DPP6: variants seen among roughly 807,000 people sequenced by gnomAD.
The protein encoded by DPP6 is dipeptidyl peptidase like 6.
DPP6 carries 69 observed loss-of-function variants against 122.6 expected under a neutral mutation model. That is an observed-to-expected ratio of 0.56 (90% CI 0.46 to 0.69). The LOEUF (loss-of-function observed/expected upper bound fraction) is 0.69. Among genes scored for constraint, DPP6 ranks in the 30% least tolerant of loss-of-function variants. DPP6 has a pLI of 0.00. For missense variants in DPP6, 928 were observed against 1,116.9 expected, an observed-to-expected ratio of 0.83 and a Z score of 2.41; for synonymous variants, 418 against 433.1, an observed-to-expected ratio of 0.97 and a Z score of 0.43.
rs1800480001 is a variant in DPP6 at position 153,918,588 on chromosome 7, C to CAG, written c.51+30854_51+30855insAG. Among the ~76,000 whole-genome samples the CAG allele has an allele frequency of 3.1e-3, 211 of 67,090 alleles. 1 individual carries two copies. The highest frequency in any genetic ancestry group is 0.011 in the African/African-American group (183 of 15,930). The allele number at this position is 67,090 out of a possible 152,430, so 44.0% of individuals were successfully genotyped here. On this transcript the variant is annotated intron_variant, in intron 1 of 25. Coordinates refer to the DPP6 transcript ENST00000404039. Reference sequence around the variant, plus strand: ...ACAGTCTCTCTCTCTCTCTCTCTCTCTCTCTCTCTCTCTCTCTCTCTCTCT... The same window carrying CAG: ...ACAGTCTCTCTCTCTCTCTCTCTCTCAGTCTCTCTCTCTCTCTCTCTCTCTCT...
At chr7:154,348,163 G>A (rs11971090) in intron 1 of DPP6, among the ~76,000 whole-genome samples, 10,670 of 151,862 alleles carry the variant, frequency 0.07, 1,151 homozygotes, top group African/African-American at 0.24. Flanking sequence ...CACACCTCAG[G>A]TGGTGTAATG....
At chr7:153,878,672 A>G in the DPP6 span, among the ~76,000 whole-genome samples, 2 of 152,124 alleles carry the variant, frequency 1.3e-5, no homozygotes, top group Admixed American at 6.6e-5. Context: ...CTTATCTTGT[A>G]TGTCTTCATC....
intron 4 of DPP6, among the ~76,000 whole-genome samples, chr7:154,545,215 C>T (rs1321613717): frequency 6.6e-6 from 1 of 152,132 alleles, no homozygotes; most frequent in Non-Finnish European, 1.5e-5. Context: ...TTTCATGCTC[C>T]TTATAAGACT....
chr7:154,591,201 C>T (rs1033207195), intron 5 of DPP6, among the ~76,000 whole-genome samples: 13 of 152,226 alleles, frequency 8.5e-5, no homozygotes, highest in African/African-American at 2.9e-4. Context: ...GACAGCCACA[C>T]GTTTCCCCCT....
In DPP6 at chr7:154,876,101, G is replaced by A; in HGVS notation, c.2078+1G>A. Reference sequence around the variant, plus strand: ...AGAAGGACCAGATGGAGGCCGTGCGGTGAGCACCCGCCCAGGAAGCAGGAG... The same window carrying A: ...AGAAGGACCAGATGGAGGCCGTGCGATGAGCACCCGCCCAGGAAGCAGGAG... On this transcript the variant is annotated splice_donor_variant, in intron 20 of 25. Transcript: ENST00000377770. LOFTEE classifies it high-confidence loss of function. 1.9e-6 allele frequency: 3 copies of A among 1,578,736 alleles called. No individual in the cohort carries two copies. Among genetic ancestry groups the A allele is most frequent in the Non-Finnish European group, 2.6e-6 (3 of 1,161,776 alleles).
chr7:154,186,943 A>T lies in DPP6; in HGVS notation c.243+133880A>T, dbSNP rs566196813. ...TGCGGCATTGCATTCAAACAGCCAC[A>T]GCTGAAGGCTGACTGGGCTTCCTCC... On this transcript the variant is annotated intron_variant, in intron 1 of 25. Coordinates refer to ENST00000377770, the MANE Select transcript of DPP6 (RefSeq NM_130797.4). Among the ~76,000 whole-genome samples the T allele has an allele frequency of 5.9e-5, 9 of 152,382 alleles. No homozygotes were observed. In the South Asian group the frequency reaches 1.9e-3, roughly 32 times the overall value.
At position 154,810,056 on chromosome 7, in the gene DPP6, A is replaced by G. The variant is rs147587908; in HGVS notation, c.1666+2944A>G. ...TTTTTAGTAAAGACAGGGTTTTGCC[A>G]TGTTGGCCAGGCTGGTCTCACACTC... is the stretch of plus-strand genomic sequence containing the variant. On this transcript the variant is annotated intron_variant, in intron 16 of 25. Transcript: ENST00000377770. Among the ~76,000 whole-genome samples, 616 of 152,306 alleles carry G rather than the reference A, an allele frequency of 4.0e-3. 5 individuals are homozygous for G. Among genetic ancestry groups the G allele is most frequent in the Middle Eastern group, 0.02 (6 of 294 alleles).
intron 8 of DPP6, among the ~76,000 whole-genome samples, chr7:154,765,871 G>A (rs1260577451): frequency 6.6e-6 from 1 of 152,212 alleles, no homozygotes; most frequent in African/African-American, 2.4e-5. Context: ...TTTCGTTGAT[G>A]AAATAGGTTT....
chr7:153,813,074 C>T, the DPP6 span, among the ~76,000 whole-genome samples: 105,895 of 151,206 alleles, frequency 0.7, 38,336 homozygotes, highest in African/African-American at 0.89. Context: ...AATGTGCAGG[C>T]TAGTTACATA....
chr7:153,944,724 G>T (rs1362656997), intron 1 of DPP6, among the ~76,000 whole-genome samples: 1 of 124,620 alleles, frequency 8.0e-6, no homozygotes, highest in African/African-American at 3.1e-5. Context: ...TCTGCCTCCC[G>T]TGTTCAAGCA....
chr7:153,949,076 A>G (rs1324429396), intron 1 of DPP6, among the ~76,000 whole-genome samples: 1 of 152,200 alleles, frequency 6.6e-6, no homozygotes, highest in Admixed American at 6.5e-5. Flanking sequence ...CGTTTATGAC[A>G]CAGTGCGGTC....
intron 3 of DPP6, among the ~76,000 whole-genome samples, chr7:154,500,732 T>C (rs1189524714): frequency 6.6e-6 from 1 of 152,212 alleles, no homozygotes. Context: ...CTTGGGTATG[T>C]CTTTATCAGC....
chr7:154,259,759 T>A (rs1280795399), intron 1 of DPP6, among the ~76,000 whole-genome samples: 1 of 152,252 alleles, frequency 6.6e-6, no homozygotes, highest in African/African-American at 2.4e-5. Flanking sequence ...CAGCCCATTC[T>A]GTTCATTTCT....
intron 4 of DPP6, among the ~76,000 whole-genome samples, chr7:154,555,511 A>G (rs1197283645): frequency 6.6e-6 from 1 of 152,120 alleles, no homozygotes; most frequent in Non-Finnish European, 1.5e-5. Flanking sequence ...GATATACCTA[A>G]TGCTAAATGA....
chr7:153,912,980 A>G (rs112673296), intron 1 of DPP6, among the ~76,000 whole-genome samples: 6,914 of 152,278 alleles, frequency 0.045, 214 homozygotes, highest in Non-Finnish European at 0.065. Context: ...TGAAAACCCT[A>G]TTATGTTAGC....
At chr7:154,089,353 G>A (rs1411118384) in intron 1 of DPP6, among the ~76,000 whole-genome samples, 7 of 90,412 alleles carry the variant, frequency 7.7e-5, no homozygotes, top group Non-Finnish European at 1.5e-4. Context: ...TCAGATGGAG[G>A]TAGTGAGGTG....
intron 3 of DPP6, among the ~76,000 whole-genome samples, chr7:154,479,087 T>A (rs555987928): frequency 1.3e-5 from 2 of 152,364 alleles, no homozygotes; most frequent in East Asian, 3.9e-4. Context: ...TAGGTTGGAA[T>A]TGAATTTCCC....
At chr7:154,735,468 T>C (rs1394350056) in intron 8 of DPP6, among the ~76,000 whole-genome samples, 1 of 152,240 alleles carries the variant, frequency 6.6e-6, no homozygotes, top group East Asian at 1.9e-4. Flanking sequence ...ATCAGACCTA[T>C]GAGGTACTGT....
intron 1 of DPP6, among the ~76,000 whole-genome samples, chr7:154,439,454 A>G (rs1398637240): frequency 1.3e-5 from 2 of 152,340 alleles, no homozygotes; most frequent in East Asian, 3.9e-4. Context: ...TTTTGGAAAT[A>G]TATAGAACAA....
Sources: gnomAD v4.1 joint callset for allele counts (sites outside exome capture counted in the v4.1 genomes callset) on GRCh38, gnomAD v4.1.1 for gene constraint, MANE v1.5 for transcripts, NCBI Gene and HGNC (gene_info 2026-07-23, HGNC 2026-07-21) for gene names.